CDH4: variants seen among roughly 807,000 people sequenced by gnomAD.
CDH4 encodes the protein cadherin-4.
Under a neutral mutation model 86.0 loss-of-function variants are expected in CDH4, and 33 were observed. That is an observed-to-expected ratio of 0.38 (90% CI 0.29 to 0.51). CDH4 has a LOEUF of 0.51. Among genes scored for constraint, CDH4 ranks in the 20% least tolerant of loss-of-function variants. The probability of loss-of-function intolerance (pLI) is 0.86; values close to 1 mark genes in which losing one functional copy is unlikely to be tolerated. For missense variants in CDH4, 1,114 were observed against 1,307.4 expected (o/e 0.85, Z 2.28); for synonymous variants, 555 against 549.4 (o/e 1.01, Z -0.14).
chr20:61,691,810 A>AT (rs2087658753), intron 2 of CDH4, among the ~76,000 whole-genome samples: 1 of 152,248 alleles, frequency 6.6e-6, no homozygotes, highest in African/African-American at 2.4e-5. Context: ...CACCGTGTCT[A>AT]TGGTCTGTCA....
At chr20:61,535,714 C>A (rs1180654830) in intron 2 of CDH4, among the ~76,000 whole-genome samples, 1 of 152,100 alleles carries the variant, frequency 6.6e-6, no homozygotes, top group Non-Finnish European at 1.5e-5. Flanking sequence ...TACCCCTGAG[C>A]CTCCATGGGG....
chr20:61,512,494 C>T (rs1036768807), intron 2 of CDH4, among the ~76,000 whole-genome samples: 1 of 152,224 alleles, frequency 6.6e-6, no homozygotes, highest in Non-Finnish European at 1.5e-5. Context: ...ATTAAAACAT[C>T]TGTCGCCAAA....
intron 2 of CDH4, among the ~76,000 whole-genome samples, chr20:61,373,836 C>T (rs897684055): frequency 3.3e-5 from 5 of 152,180 alleles, no homozygotes; most frequent in African/African-American, 1.2e-4. Flanking sequence ...TTCTAAAATG[C>T]ACAGCAGCTT....
chr20:61,650,454 G>T, intron 2 of CDH4, among the ~76,000 whole-genome samples: 1 of 152,202 alleles, frequency 6.6e-6, no homozygotes, highest in East Asian at 1.9e-4. Context: ...AGATATATAT[G>T]TACTGCGTAT....
intron 2 of CDH4, chr20:61,599,819 T>C (rs1052921325): frequency 2.0e-6 from 2 of 985,654 alleles, no homozygotes; most frequent in Admixed American, 6.1e-5. Flanking sequence ...GCCCCTTTCC[T>C]GTTCCTGGTT....
rs540121481 is a variant in CDH4, at chr20:61,598,352, C to G, written c.170-145211C>G. ...CCCTACTGGGACCCCACCCCCCCGG[C>G]CACTGTCACCTCAGGGGCTGCTCCA... On this transcript the variant is annotated intron_variant, in intron 2 of 15. Transcript: ENST00000614565. Among the ~76,000 whole-genome samples the G allele has an allele frequency of 2.8e-3, 416 of 150,962 alleles. 3 individuals are homozygous for G. Among genetic ancestry groups the G allele is most frequent in the Admixed American group, 0.014 (218 of 15,184 alleles).
chr20:61,300,247 G>A (rs965966128), intron 2 of CDH4, among the ~76,000 whole-genome samples: 4 of 152,066 alleles, frequency 2.6e-5, no homozygotes, highest in African/African-American at 9.7e-5. Context: ...GTCTGAGGCC[G>A]GGGCAATCGG....
At chr20:61,530,639 C>T (rs1190958639) in intron 2 of CDH4, among the ~76,000 whole-genome samples, 1 of 152,096 alleles carries the variant, frequency 6.6e-6, no homozygotes, top group Non-Finnish European at 1.5e-5. Context: ...AATAGAGAGG[C>T]AATCAGAATG....
rs1349944203 is a variant in CDH4 at position 61,940,285 on chromosome 20, G to A, written c.*3342G>A. 1.3e-5 allele frequency: 2 copies of A among 152,076 alleles called. No homozygotes were observed. The highest frequency in any genetic ancestry group is 3.9e-4 in the East Asian group (2 of 5,194). The allele number at this position is 152,076 out of a possible 1,614,324, so 9.4% of individuals were successfully genotyped here. ...TTTTTTGCATGTTTCTTTTTGAAAT[G>A]GGCAAAATGTGTAGCAGCCTGCATG... On this transcript the variant is annotated 3_prime_UTR_variant, in exon 16 of 16. Coordinates refer to ENST00000614565, the MANE Select transcript of CDH4 (RefSeq NM_001794.5).
intron 2 of CDH4, among the ~76,000 whole-genome samples, chr20:61,627,701 C>CA (rs944468766): frequency 4.6e-5 from 7 of 152,112 alleles, no homozygotes; most frequent in Admixed American, 3.9e-4. Context: ...CCTCCCGCCC[C>CA]CCGACTCGAC....
intron 4 of CDH4, among the ~76,000 whole-genome samples, chr20:61,778,251 T>C (rs1045284031): frequency 5.3e-5 from 8 of 152,152 alleles, no homozygotes; most frequent in Non-Finnish European, 1.2e-4. Context: ...CGGTGGTGAA[T>C]GCAGCCTGAT....
chr20:61,605,579 G>A (rs2145751888), intron 2 of CDH4, among the ~76,000 whole-genome samples: 1 of 146,640 alleles, frequency 6.8e-6, no homozygotes, highest in African/African-American at 2.5e-5. Flanking sequence ...CTCTGTCTCT[G>A]CCTCCCTGTC....
intron 4 of CDH4, among the ~76,000 whole-genome samples, chr20:61,843,362 A>G (rs963793808): frequency 6.7e-6 from 1 of 148,794 alleles, no homozygotes; most frequent in Non-Finnish European, 1.5e-5. Flanking sequence ...AGGCAGGAGA[A>G]TGGCGTGAAC....
intron 2 of CDH4, among the ~76,000 whole-genome samples, chr20:61,379,825 G>A (rs2145445259): frequency 6.6e-6 from 1 of 152,304 alleles, no homozygotes. Context: ...GAGGTGAAGT[G>A]TCAACTCCAG....
intron 5 of CDH4, among the ~76,000 whole-genome samples, chr20:61,850,396 C>T (rs1420212494): frequency 2.6e-5 from 4 of 152,212 alleles, no homozygotes; most frequent in Non-Finnish European, 5.9e-5. Context: ...CTTTACCCCT[C>T]GGCCACTTCC....
At chr20:61,746,642 T>C (rs2088418216) in intron 3 of CDH4, among the ~76,000 whole-genome samples, 1 of 152,180 alleles carries the variant, frequency 6.6e-6, no homozygotes, top group South Asian at 2.1e-4. Flanking sequence ...GGCTGGGTGT[T>C]TTGGGAGAAT....
At chr20:61,815,111 T>C (rs1407754281) in intron 4 of CDH4, among the ~76,000 whole-genome samples, 1 of 152,120 alleles carries the variant, frequency 6.6e-6, no homozygotes, top group Non-Finnish European at 1.5e-5. Context: ...TGGGTTCCCT[T>C]TAATATGTTA....
chr20:61,713,643 G>A (rs757717951), intron 2 of CDH4, among the ~76,000 whole-genome samples: 13 of 152,220 alleles, frequency 8.5e-5, no homozygotes, highest in East Asian at 1.9e-4. Context: ...CCACGCCAGC[G>A]CTGAGTGAGG....
chr20:61,332,758 A>C (rs559396912), intron 2 of CDH4, among the ~76,000 whole-genome samples: 51 of 152,260 alleles, frequency 3.3e-4, no homozygotes, highest in African/African-American at 1.2e-3. Flanking sequence ...GCAGGAAGTT[A>C]TTCGCTTCCT....
Sources: gnomAD v4.1 joint callset for allele counts (sites outside exome capture counted in the v4.1 genomes callset) on GRCh38, gnomAD v4.1.1 for gene constraint, MANE v1.5 for transcripts, NCBI Gene and HGNC (gene_info 2026-07-23, HGNC 2026-07-21) for gene names.